The following KIF4A variants were observed in gnomAD, a reference collection of about 807,000 sequenced individuals.
The protein encoded by KIF4A is kinesin family member 4A, also known as chromosome-associated kinesin KIF4A.
Under a neutral mutation model 105.9 loss-of-function variants are expected in KIF4A, and 7 were observed. The ratio of observed to expected loss-of-function variants is 0.07; its 90% CI spans 0.04 to 0.12. The LOEUF (loss-of-function observed/expected upper bound fraction) is 0.12. Ranked by LOEUF, KIF4A falls within the 10% of genes least tolerant of loss-of-function variation. The pLI, the probability that KIF4A is intolerant of heterozygous loss-of-function variation, is 1.00. For missense variants in KIF4A, 558 were observed against 929.2 expected, an observed-to-expected ratio of 0.60 and a Z score of 5.19; for synonymous variants, 281 against 331.3, an observed-to-expected ratio of 0.85 and a Z score of 1.65.
chrX:70,371,095 A>T (rs2086129967), intron 15 of KIF4A, among the ~76,000 whole-genome samples: 1 of 110,785 alleles, frequency 9.0e-6, no homozygotes, highest in Admixed American at 9.7e-5. Context: ...TGTCAGTCTA[A>T]TACTGGTCTA....
chrX:70,402,431 G>A, intron 22 of KIF4A, 135 bp from the exon 23 acceptor site: 1 of 754,696 alleles, frequency 1.3e-6, no homozygotes, highest in Non-Finnish European at 1.9e-6. Context: ...CTAACCAGAT[G>A]ACTTAAACAT....
intron 7 of KIF4A, among the ~76,000 whole-genome samples, chrX:70,313,244 A>G (rs1426275810): frequency 4.5e-5 from 5 of 111,604 alleles, no homozygotes; most frequent in Non-Finnish European, 9.4e-5. Flanking sequence ...GATTATATCT[A>G]TTTTGTCTAA....
rs184493391 is a variant in KIF4A at position 70,387,671 on chromosome X, C to T, written c.2232+374C>T. Reference sequence around the variant, plus strand: ...TCACCTGCGGTCAGGAGTTTGAGACCAGCCTGACCAACATGGTGAAACCTC... The same window carrying T: ...TCACCTGCGGTCAGGAGTTTGAGACTAGCCTGACCAACATGGTGAAACCTC... On this transcript the variant is annotated intron_variant, in intron 20 of 30. Coordinates refer to ENST00000374403, the MANE Select transcript of KIF4A (RefSeq NM_012310.5). 3.1e-3 allele frequency among the ~76,000 whole-genome samples: 345 copies of T among 111,851 alleles called. 2 individuals carry two copies. The highest frequency in any genetic ancestry group is 0.011 in the African/African-American group (336 of 30,795).
intron 22 of KIF4A, among the ~76,000 whole-genome samples, chrX:70,398,778 C>T (rs2147735804): frequency 9.0e-6 from 1 of 111,725 alleles, no homozygotes; most frequent in Non-Finnish European, 1.9e-5. Context: ...TACATTAGAC[C>T]AGGGTTTTCA....
At chrX:70,294,824 C>T (rs2085774864) in intron 3 of KIF4A, among the ~76,000 whole-genome samples, 1 of 112,896 alleles carries the variant, frequency 8.9e-6, no homozygotes, top group East Asian at 2.8e-4. Flanking sequence ...GTAATCTCAG[C>T]ACTTTGGGAG....
At chrX:70,377,153 G>A (rs1226816236) in intron 18 of KIF4A, among the ~76,000 whole-genome samples, 1 of 111,005 alleles carries the variant, frequency 9.0e-6, no homozygotes, top group Non-Finnish European at 1.9e-5. Context: ...GCTCACTGTA[G>A]CCTCAAACTG....
chrX:70,418,866 C>T (rs957930590), intron 29 of KIF4A, among the ~76,000 whole-genome samples: 4 of 111,126 alleles, frequency 3.6e-5, no homozygotes, highest in Non-Finnish European at 7.5e-5. Context: ...GGGCGGATCA[C>T]GAGGTCAGGA....
chrX:70,381,150 AAAAC>A (rs2086195950), intron 18 of KIF4A, among the ~76,000 whole-genome samples: 2 of 111,921 alleles, frequency 1.8e-5, no homozygotes, highest in Admixed American at 9.5e-5. Flanking sequence ...CTCTGTCTCA[AAAAC>A]AAACAAACAA....
chrX:70,364,707 T>C (rs888006737), intron 15 of KIF4A, among the ~76,000 whole-genome samples: 38 of 112,182 alleles, frequency 3.4e-4, no homozygotes, highest in Non-Finnish European at 5.8e-4. Context: ...TGGCTGAGGA[T>C]TGACTTGGCA....
intron 7 of KIF4A, among the ~76,000 whole-genome samples, chrX:70,323,927 G>A (rs1307212775): frequency 2.7e-5 from 3 of 109,208 alleles, no homozygotes; most frequent in South Asian, 4.0e-4. Context: ...TCCACCTACC[G>A]GGTTCAGGCG....
chrX:70,331,947 TAGAA>T (rs771943861), intron 9 of KIF4A, among the ~76,000 whole-genome samples: 15 of 111,599 alleles, frequency 1.3e-4, no homozygotes, highest in Non-Finnish European at 2.6e-4. Context: ...GCAGTGGTGA[TAGAA>T]AGAAGTAACC....
At chrX:70,368,624 G>A (rs760492550) in intron 15 of KIF4A, among the ~76,000 whole-genome samples, 1 of 111,562 alleles carries the variant, frequency 9.0e-6, no homozygotes, top group African/African-American at 3.3e-5. Flanking sequence ...TGTCTCAGAG[G>A]AGCACCCGGC....
intron 15 of KIF4A, among the ~76,000 whole-genome samples, chrX:70,372,871 T>C (rs1386216805): frequency 1.8e-5 from 2 of 112,870 alleles, no homozygotes; most frequent in Non-Finnish European, 3.8e-5. Flanking sequence ...TTATTATTAA[T>C]TATTGACATA....
chrX:70,302,999 T>G (rs1403936229), intron 7 of KIF4A, among the ~76,000 whole-genome samples: 1 of 112,155 alleles, frequency 8.9e-6, no homozygotes, highest in Non-Finnish European at 1.9e-5. Context: ...GATGCCTTGC[T>G]AAATCCAGAT....
At chrX:70,340,239 A>C (rs767949942) in intron 10 of KIF4A, among the ~76,000 whole-genome samples, 1 of 112,231 alleles carries the variant, frequency 8.9e-6, no homozygotes, top group East Asian at 2.8e-4. Flanking sequence ...GAACTTAAAA[A>C]ATTTAATGTA....
intron 11 of KIF4A, among the ~76,000 whole-genome samples, chrX:70,342,341 C>T (rs186214983): frequency 8.0e-5 from 9 of 112,153 alleles, no homozygotes; most frequent in African/African-American, 2.9e-4. Flanking sequence ...TTTCATATCC[C>T]ATACTAACAG....
chrX:70,383,146 C>T (rs2086204212), intron 18 of KIF4A, among the ~76,000 whole-genome samples: 2 of 103,269 alleles, frequency 1.9e-5, no homozygotes, highest in Admixed American at 2.1e-4. Context: ...GAGATCGTGC[C>T]ATTGCACTCC....
At chrX:70,379,452 C>T (rs1017828603) in intron 18 of KIF4A, among the ~76,000 whole-genome samples, 1 of 111,789 alleles carries the variant, frequency 8.9e-6, no homozygotes, top group Non-Finnish European at 1.9e-5. Context: ...ATTCCAGGCA[C>T]AGATGGCTTC....
chrX:70,351,816 G>A (rs1230025560), intron 13 of KIF4A, among the ~76,000 whole-genome samples: 1 of 111,952 alleles, frequency 8.9e-6, no homozygotes. Context: ...GGAGTGCAGT[G>A]GCACAATCTT....
Sources: gnomAD v4.1 joint callset for allele counts (sites outside exome capture counted in the v4.1 genomes callset) on GRCh38, gnomAD v4.1.1 for gene constraint, MANE v1.5 for transcripts, NCBI Gene and HGNC (gene_info 2026-07-23, HGNC 2026-07-21) for gene names.